The following ARL13B variants were observed in gnomAD, a reference collection of about 807,000 sequenced individuals.
ARL13B encodes ADP-ribosylation factor-like protein 13B.
ARL13B carries 36 observed loss-of-function variants against 56.1 expected under a neutral mutation model. That is an observed-to-expected ratio of 0.64 (90% CI 0.49 to 0.85). The LOEUF (loss-of-function observed/expected upper bound fraction) is 0.85, where lower values mean the gene tolerates loss of function less well. Ranked by LOEUF, ARL13B falls within the 40% of genes least tolerant of loss-of-function variation. ARL13B has a pLI of 0.00. For missense variants in ARL13B, 519 were observed against 507.1 expected (o/e 1.02, Z -0.23); for synonymous variants, 178 against 171.1 (o/e 1.04, Z -0.32).
At chr3:93,985,068 A>G (rs891152626) in intron 1 of ARL13B, among the ~76,000 whole-genome samples, 2 of 152,190 alleles carry the variant, frequency 1.3e-5, no homozygotes, top group African/African-American at 4.8e-5. Context: ...ATTCAAATAT[A>G]TTACTGTTTC....
rs141783112 is a variant in ARL13B at position 94,031,850 on chromosome 3, G to A, written c.381-3481G>A. On this transcript the variant is annotated intron_variant, in intron 3 of 9. Transcript: ENST00000394222. Reference sequence around the variant, plus strand: ...AGAGAACCCAGATGATGGGTACAGCGATGCTAGGAAAATTCAATTGCCATA... The same window carrying A: ...AGAGAACCCAGATGATGGGTACAGCAATGCTAGGAAAATTCAATTGCCATA... Among the ~76,000 whole-genome samples, 11 of 152,236 alleles carry A rather than the reference G, an allele frequency of 7.2e-5. No homozygotes were observed. In the East Asian group the frequency reaches 7.7e-4, roughly 11 times the overall value.
At chr3:94,043,383 T>C in intron 7 of ARL13B, 143 bp downstream of exon 7, 4 of 797,634 alleles carry the variant, frequency 5.0e-6, no homozygotes, top group Non-Finnish European at 7.9e-6. Context: ...CATGATTTTC[T>C]CAAGGTCTTT....
At chr3:93,988,130 C>T (rs1710557687) in intron 1 of ARL13B, among the ~76,000 whole-genome samples, 1 of 151,394 alleles carries the variant, frequency 6.6e-6, no homozygotes, top group Non-Finnish European at 1.5e-5. Context: ...CACATTAACA[C>T]AGTTATTAGG....
chr3:94,028,399 C>T (rs1474640373), intron 3 of ARL13B: 1 of 152,240 alleles, frequency 6.6e-6, no homozygotes, highest in African/African-American at 2.4e-5. Flanking sequence ...TGGTTTTCCA[C>T]CTGCGGTGTT....
chr3:93,995,741 C>G (rs1447549951), intron 1 of ARL13B, 133 bp from the exon 2 acceptor site: 1 of 755,030 alleles, frequency 1.3e-6, no homozygotes, highest in Middle Eastern at 3.9e-4. Flanking sequence ...CATTGTACTC[C>G]CTAGCATCCA....
chr3:94,049,463 C>T lies in ARL13B; in HGVS notation c.1082C>T (p.Pro361Leu), dbSNP rs1413442101. The change falls in exon 8 of 10, where the codon CCA becomes CTA. Residue 361 changes from proline (P) to leucine (L), a missense_variant. By Grantham distance (98) the Pro-to-Leu change is moderately conservative. Coordinates refer to ENST00000394222, the MANE Select transcript of ARL13B (RefSeq NM_001174150.2). Reference sequence around the variant, plus strand: ...ATGAAAAGGAACCACCGGGTAGAACCACTTAATATAGATGACTGTGCTCCT... The same window carrying T: ...ATGAAAAGGAACCACCGGGTAGAACTACTTAATATAGATGACTGTGCTCCT... ...LRMKRNHRVE[P>L]LNIDDCAPES... 1 of 1,609,888 alleles carries T rather than the reference C, an allele frequency of 6.2e-7. No individual in the cohort carries two copies. Among genetic ancestry groups the T allele is most frequent in the Admixed American group, 1.7e-5 (1 of 59,674 alleles).
intron 5 of ARL13B, among the ~76,000 whole-genome samples, chr3:94,038,515 CTTT>C (rs761909057): frequency 4.4e-4 from 24 of 54,432 alleles, no homozygotes; most frequent in African/African-American, 2.1e-3. Context: ...TCTGGCTGCT[CTTT>C]TTTTTTTTTT....
chr3:94,016,739 C>A (rs1160110719), intron 3 of ARL13B, among the ~76,000 whole-genome samples: 1 of 151,788 alleles, frequency 6.6e-6, no homozygotes, highest in Non-Finnish European at 1.5e-5. Context: ...TTCTGCCTCC[C>A]GGGTTTAAGT....
intron 1 of ARL13B, among the ~76,000 whole-genome samples, chr3:93,991,433 G>A (rs1024731562): frequency 5.9e-5 from 9 of 152,156 alleles, no homozygotes; most frequent in African/African-American, 2.2e-4. Context: ...AGGCTTCAGT[G>A]CAGTGGTGCA....
chr3:93,980,341 AG>A lies in ARL13B; in HGVS notation c.-82del, dbSNP rs1471281224. ...CTTATCCACTTTAGGGGCGTCTCGG[AG>A]TGCCGGAGGCCCCCGGGGAAGAGCG... On this transcript the variant is annotated 5_prime_UTR_variant, in exon 1 of 10. The change creates a new upstream start codon in the 5' untranslated region. Transcript: ENST00000394222. 6.4e-7 allele frequency: 1 copy of A among 1,560,314 alleles called. No homozygotes were observed. Among genetic ancestry groups the A allele is most frequent in the Admixed American group, 1.7e-5 (1 of 59,960 alleles).
chr3:94,037,465 A>G (rs2076789127), intron 5 of ARL13B, among the ~76,000 whole-genome samples: 1 of 152,148 alleles, frequency 6.6e-6, no homozygotes, highest in Admixed American at 6.5e-5. Context: ...TAATTCATCA[A>G]TAGGACTTAA....
At chr3:94,035,463 T>A in intron 4 of ARL13B, 27 bp downstream of exon 4, 1 of 1,472,328 alleles carries the variant, frequency 6.8e-7, no homozygotes, top group African/African-American at 1.4e-5. Context: ...TTTTTTAATT[T>A]TAATTTTTTG....
chr3:94,019,572 A>G (rs149918093), intron 3 of ARL13B, among the ~76,000 whole-genome samples: 1 of 143,330 alleles, frequency 7.0e-6, no homozygotes, highest in East Asian at 2.3e-4. Context: ...TGCACCAACT[A>G]CCCCCCATCC....
At position 94,055,661 on chromosome 3, in the gene ARL13B, CTA is replaced by C; in HGVS notation, c.*2400_*2401del. On this transcript the variant is annotated 3_prime_UTR_variant, in exon 10 of 10. Transcript: ENST00000394222. ...TATGTAACTGACTTCAAATATAAAA[CTA>C]TGCATAGAAACAACACTAGAAAGAA... is the stretch of plus-strand genomic sequence containing the variant. 4.4e-6 allele frequency: 2 copies of C among 451,446 alleles called. No individual in the cohort carries two copies. The highest frequency in any genetic ancestry group is 8.9e-6 in the Non-Finnish European group (2 of 225,328). 28.0% of individuals were successfully genotyped at this position (451,446 alleles called of 1,614,324 possible). A position where few individuals can be genotyped will look rare whatever the true frequency, so the allele number is the denominator to read the frequency against.
At chr3:94,024,818 G>A (rs2107031533) in intron 3 of ARL13B, among the ~76,000 whole-genome samples, 1 of 152,098 alleles carries the variant, frequency 6.6e-6, no homozygotes, top group African/African-American at 2.4e-5. Context: ...TAACTCCTGG[G>A]CTCAAGCAAT....
intron 1 of ARL13B, among the ~76,000 whole-genome samples, chr3:93,982,713 G>T (rs1171380707): frequency 3.9e-5 from 6 of 152,138 alleles, no homozygotes; most frequent in Admixed American, 3.3e-4. Context: ...AACTGTCAAA[G>T]AATTTGAACA....
intron 7 of ARL13B, among the ~76,000 whole-genome samples, chr3:94,046,306 G>A (rs910311504): frequency 1.8e-4 from 27 of 151,490 alleles, no homozygotes; most frequent in Admixed American, 6.6e-5. Context: ...CTCATCTCCT[G>A]GCAATCACTG....
chr3:94,041,950 CG>C (rs1170019128), intron 6 of ARL13B, among the ~76,000 whole-genome samples: 1 of 151,998 alleles, frequency 6.6e-6, no homozygotes, highest in Non-Finnish European at 1.5e-5. Flanking sequence ...CCAGCTACTC[CG>C]GAGGCTGAGG....
Position 94,014,965 on chromosome 3 carries a change from G to T in ARL13B, c.380+11057G>T, listed in dbSNP as rs542820935. 3.1e-6 allele frequency: 5 copies of T among 1,613,882 alleles called. No individual in the cohort carries two copies. In the African/African-American group the frequency reaches 6.7e-5, roughly 22 times the overall value. ...ATTCAAACTTCTGTTGATGTATTCT[G>T]CCTGAATTTTTATCTCCTTTGTAAT... On this transcript the variant is annotated intron_variant, in intron 3 of 9. Transcript: ENST00000394222.
Sources: gnomAD v4.1 joint callset for allele counts (sites outside exome capture counted in the v4.1 genomes callset) on GRCh38, gnomAD v4.1.1 for gene constraint, MANE v1.5 for transcripts, NCBI Gene and HGNC (gene_info 2026-07-23, HGNC 2026-07-21) for gene names.